The following INTS14 variants were observed in gnomAD, a reference collection of about 807,000 sequenced individuals.
INTS14 encodes the protein integrator complex subunit 14.
In INTS14, 27 loss-of-function variants were observed where a neutral mutation model predicts 56.9. The ratio of observed to expected loss-of-function variants is 0.47; its 90% confidence interval spans 0.35 to 0.65. The LOEUF is 0.65. Ranked by LOEUF, INTS14 falls within the 30% of genes least tolerant of loss-of-function variation. The pLI, the probability that INTS14 is intolerant of heterozygous loss-of-function variation, is 0.00. For missense variants in INTS14, 517 were observed against 632.2 expected, an observed-to-expected ratio of 0.82 and a Z score of 1.95; for synonymous variants, 207 against 236.2, an observed-to-expected ratio of 0.88 and a Z score of 1.13.
At chr15:65,590,411 T>C (rs1250740037) in intron 9 of INTS14, among the ~76,000 whole-genome samples, 5 of 152,184 alleles carry the variant, frequency 3.3e-5, no homozygotes, top group African/African-American at 1.2e-4. Context: ...CAAGATAAAT[T>C]CCTGGTTCTT....
At chr15:65,606,018 C>T (rs1008079570) in intron 2 of INTS14, among the ~76,000 whole-genome samples, 1 of 151,102 alleles carries the variant, frequency 6.6e-6, no homozygotes, top group African/African-American at 2.4e-5. Context: ...CACTTTGGGA[C>T]GCCGAGGCGG....
intron 9 of INTS14, among the ~76,000 whole-genome samples, chr15:65,590,980 G>C (rs2073005013): frequency 6.6e-6 from 1 of 152,136 alleles, no homozygotes; most frequent in African/African-American, 2.4e-5. Flanking sequence ...AGAATATCCA[G>C]GTGTAGAGAT....
intron 1 of INTS14, 190 bp downstream of exon 1, chr15:65,610,908 C>A: frequency 1.4e-6 from 2 of 1,469,772 alleles, no homozygotes; most frequent in South Asian, 1.4e-5. Flanking sequence ...CTGGGGACCC[C>A]GAGCCTCAGA....
intron 1 of INTS14, among the ~76,000 whole-genome samples, chr15:65,609,340 C>T (rs1444284038): frequency 6.6e-6 from 1 of 151,442 alleles, no homozygotes; most frequent in Admixed American, 6.6e-5. Flanking sequence ...TAAGCATAGG[C>T]GTAAAAGAAG....
intron 2 of INTS14, among the ~76,000 whole-genome samples, chr15:65,606,526 A>AT (rs1198099186): frequency 6.6e-6 from 1 of 151,946 alleles, no homozygotes; most frequent in Non-Finnish European, 1.5e-5. Flanking sequence ...AAGTGCTGGG[A>AT]TTACAGGCGT....
At chr15:65,589,127 G>A (rs929680255) in intron 9 of INTS14, among the ~76,000 whole-genome samples, 2 of 152,176 alleles carry the variant, frequency 1.3e-5, no homozygotes, top group Non-Finnish European at 2.9e-5. Context: ...TTAGATTATA[G>A]ATAGGCATCT....
At chr15:65,605,074 C>A in intron 3 of INTS14, 55 bp downstream of exon 3, 1 of 1,319,328 alleles carries the variant, frequency 7.6e-7, no homozygotes, top group Non-Finnish European at 1.1e-6. Context: ...AAAATCGAAG[C>A]ACCTCAGTGG....
chr15:65,609,848 GC>G (rs774041440), intron 1 of INTS14, among the ~76,000 whole-genome samples: 1 of 152,102 alleles, frequency 6.6e-6, no homozygotes, highest in Non-Finnish European at 1.5e-5. Flanking sequence ...AGCACTTTCA[GC>G]CCGTGAAATC....
At chr15:65,608,642 T>A (rs186409652) in intron 1 of INTS14, among the ~76,000 whole-genome samples, 2 of 152,280 alleles carry the variant, frequency 1.3e-5, no homozygotes, top group Admixed American at 6.5e-5. Context: ...ACTACAGATA[T>A]CAGAAATACT....
chr15:65,610,993 G>A, intron 1 of INTS14, 105 bp downstream of exon 1: 1 of 1,500,844 alleles, frequency 6.7e-7, no homozygotes, highest in Non-Finnish European at 8.9e-7. Flanking sequence ...ACGGTGGCGG[G>A]AAGGCCAAGC....
intron 9 of INTS14, among the ~76,000 whole-genome samples, chr15:65,589,909 T>C (rs1243732224): frequency 6.6e-6 from 1 of 152,186 alleles, no homozygotes; most frequent in African/African-American, 2.4e-5. Flanking sequence ...GAATTGTCTC[T>C]AGGTACCTCC....
intron 8 of INTS14, among the ~76,000 whole-genome samples, chr15:65,592,143 G>A (rs930822209): frequency 2.6e-5 from 4 of 152,194 alleles, no homozygotes; most frequent in South Asian, 2.1e-4. Context: ...ATCCTGTTAT[G>A]TAAAAGAGAC....
chr15:65,609,908 C>T (rs557316654), intron 1 of INTS14, among the ~76,000 whole-genome samples: 1 of 152,090 alleles, frequency 6.6e-6, no homozygotes, highest in Non-Finnish European at 1.5e-5. Flanking sequence ...TCTGAAGACA[C>T]CTCTGGAGCT....
chr15:65,604,580 A>G (rs2073572681), intron 3 of INTS14, among the ~76,000 whole-genome samples: 1 of 152,038 alleles, frequency 6.6e-6, no homozygotes, highest in Non-Finnish European at 1.5e-5. Context: ...AATGTAAAAA[A>G]TTAGCCAGGT....
intron 6 of INTS14, among the ~76,000 whole-genome samples, chr15:65,596,181 A>G (rs764014224): frequency 4.6e-5 from 7 of 152,344 alleles, no homozygotes; most frequent in Non-Finnish European, 8.8e-5. Context: ...CGCAGCAACT[A>G]CACTCAGCCT....
chr15:65,587,461 CA>C (rs1349350335), intron 9 of INTS14, among the ~76,000 whole-genome samples: 2 of 151,842 alleles, frequency 1.3e-5, no homozygotes, highest in African/African-American at 2.4e-5. Flanking sequence ...AGCTAGGGGA[CA>C]AAAAGTTGCA....
intron 10 of INTS14, among the ~76,000 whole-genome samples, chr15:65,582,239 C>T (rs2141246693): frequency 6.6e-6 from 1 of 152,292 alleles, no homozygotes; most frequent in Middle Eastern, 3.4e-3. Flanking sequence ...CAGAAACGAA[C>T]TTGCCTCATA....
chr15:65,599,630 T>C, intron 4 of INTS14, 144 bp downstream of exon 4: 1 of 917,160 alleles, frequency 1.1e-6, no homozygotes, highest in Non-Finnish European at 1.5e-6. Context: ...CCAGAATCTT[T>C]TCAAATAAAA....
At chr15:65,592,464 C>T (rs1018926342) in intron 8 of INTS14, among the ~76,000 whole-genome samples, 3 of 152,124 alleles carry the variant, frequency 2.0e-5, no homozygotes, top group Non-Finnish European at 2.9e-5. Context: ...AATGTAAAAG[C>T]TAACGGGGTT....
Sources: allele counts gnomAD v4.1 joint callset (sites outside exome capture counted in the v4.1 genomes callset), GRCh38; gene constraint gnomAD v4.1.1; transcripts MANE v1.5; gene names NCBI Gene and HGNC (gene_info 2026-07-23, HGNC 2026-07-21).